Variants in MYO1E observed in about 807,000 individuals in gnomAD.
The protein encoded by MYO1E is myosin IE.
MYO1E carries 68 observed loss-of-function variants against 151.1 expected under a neutral mutation model. The observed-to-expected ratio is 0.45, with a 90% CI of 0.37 to 0.55. The LOEUF is 0.55. Ranked by LOEUF, MYO1E falls within the 20% of genes least tolerant of loss-of-function variation. The pLI, the probability that MYO1E is intolerant of heterozygous loss-of-function variation, is 0.00. For missense variants in MYO1E, 1,363 were observed against 1,389.3 expected, an observed-to-expected ratio of 0.98 and a Z score of 0.30; for synonymous variants, 601 against 501.7, an observed-to-expected ratio of 1.20 and a Z score of -2.64.
rs761433670 is a variant in MYO1E, at chr15:59,236,536, T to C, written c.420+49A>G. 12 of 1,498,146 alleles carry C rather than the reference T, an allele frequency of 8.0e-6. No homozygotes were observed. In the South Asian group the frequency reaches 9.0e-5, roughly 11 times the overall value. 92.8% of individuals were successfully genotyped at this position (1,498,146 alleles called of 1,614,324 possible). A position where few individuals can be genotyped will look rare whatever the true frequency, so the allele number is the denominator to read the frequency against. Reference sequence around the variant, plus strand: ...CTTTTCTAACAGCAAATGGAGCCTCTTACATTTCCCATAACATAAGGTATC... The same window carrying C: ...CTTTTCTAACAGCAAATGGAGCCTCCTACATTTCCCATAACATAAGGTATC... On this transcript the variant is annotated intron_variant, in intron 5 of 27. Transcript: ENST00000288235.
At chr15:59,291,682 T>TAA (rs1182076268) in intron 1 of MYO1E, among the ~76,000 whole-genome samples, 105 of 7,782 alleles carry the variant, frequency 0.013, 1 homozygote, top group East Asian at 0.027. Context: ...CTAAAAATAC[T>TAA]AAAAAAAAAA....
At chr15:59,149,038 GTTTTTTTTTTTTTGTTTT>G (rs1443662585) in intron 26 of MYO1E, among the ~76,000 whole-genome samples, 3 of 89,558 alleles carry the variant, frequency 3.3e-5, no homozygotes, top group African/African-American at 1.4e-4. Flanking sequence ...TGGATGAACT[GTTTTTTTTTTTTTGTTTT>G]TTTTTTTTTT....
intron 1 of MYO1E, among the ~76,000 whole-genome samples, chr15:59,296,750 G>C (rs1172894387): frequency 6.6e-6 from 1 of 151,878 alleles, no homozygotes; most frequent in Non-Finnish European, 1.5e-5. Context: ...TTTGAGTGCA[G>C]GACAATGAAG....
chr15:59,268,718 G>GTTT (rs1452818863), intron 2 of MYO1E, among the ~76,000 whole-genome samples: 4 of 12,044 alleles, frequency 3.3e-4, no homozygotes, highest in African/African-American at 4.1e-4. Context: ...GGTGACTTTG[G>GTTT]TATTTTTTTT....
chr15:59,323,615 C>G (rs541099578), intron 1 of MYO1E, among the ~76,000 whole-genome samples: 13 of 151,828 alleles, frequency 8.6e-5, no homozygotes, highest in Admixed American at 6.6e-4. Flanking sequence ...GAGATCGCAC[C>G]ACTGCACTCC....
Position 59,188,204 on chromosome 15 carries a change from T to C in MYO1E, c.1818A>G (p.Gln606=), listed in dbSNP as rs2079710689. The change falls in exon 18 of 28, where the codon CAA becomes CAG. Residue 606 remains glutamine, a synonymous_variant. Coordinates refer to ENST00000288235, the MANE Select transcript of MYO1E (RefSeq NM_004998.4). ...RDWEESRVKH[Q]VEYLGLKENI... ...TCTCTTTCAGACCCAAATATTCGACTTGATGCTTTACCCTGTGCAAAGGAG... is the reference window on the plus strand; with the variant it reads ...TCTCTTTCAGACCCAAATATTCGACCTGATGCTTTACCCTGTGCAAAGGAG... The C allele has an allele frequency of 1.9e-6, 3 of 1,614,004 alleles. No individual in the cohort carries two copies. The highest frequency in any genetic ancestry group is 2.5e-6 in the Non-Finnish European group (3 of 1,179,932).
chr15:59,316,686 T>G (rs979047894), intron 1 of MYO1E, among the ~76,000 whole-genome samples: 1 of 152,250 alleles, frequency 6.6e-6, no homozygotes, highest in African/African-American at 2.4e-5. Flanking sequence ...TATCTTGTCA[T>G]GTACGGATTA....
At chr15:59,258,831 T>C (rs751239619) in intron 3 of MYO1E, among the ~76,000 whole-genome samples, 3 of 151,152 alleles carry the variant, frequency 2.0e-5, no homozygotes, top group Non-Finnish European at 4.4e-5. Flanking sequence ...CGCTTCAGCA[T>C]GGGTGACAGA....
intron 1 of MYO1E, among the ~76,000 whole-genome samples, chr15:59,344,463 C>T (rs1281675548): frequency 6.6e-6 from 1 of 152,222 alleles, no homozygotes; most frequent in Non-Finnish European, 1.5e-5. Context: ...GCAGGTCTGA[C>T]CTGAAGCCAG....
chr15:59,328,876 G>C (rs1193850103), intron 1 of MYO1E, among the ~76,000 whole-genome samples: 3 of 152,164 alleles, frequency 2.0e-5, no homozygotes, highest in Admixed American at 6.5e-5. Context: ...TACCCTCTTA[G>C]ACTCTGTGGG....
intron 16 of MYO1E, among the ~76,000 whole-genome samples, chr15:59,196,191 C>T (rs891163795): frequency 6.6e-6 from 1 of 152,158 alleles, no homozygotes; most frequent in Non-Finnish European, 1.5e-5. Flanking sequence ...AGTCTGAACA[C>T]TTTATCTGTG....
intron 1 of MYO1E, among the ~76,000 whole-genome samples, chr15:59,291,451 A>G (rs184852985): frequency 4.6e-5 from 7 of 152,284 alleles, no homozygotes; most frequent in Non-Finnish European, 8.8e-5. Context: ...TTTAAGATAC[A>G]GAAGTAGCTG....
At chr15:59,359,739 C>CT (rs2140439987) in intron 1 of MYO1E, 1 of 152,394 alleles carries the variant, frequency 6.6e-6, no homozygotes, top group South Asian at 2.1e-4. Flanking sequence ...CAATGCTGTC[C>CT]TGCACACTGA....
chr15:59,140,958 T>C (rs1156307542), intron 26 of MYO1E, among the ~76,000 whole-genome samples: 1 of 152,240 alleles, frequency 6.6e-6, no homozygotes, highest in East Asian at 1.9e-4. Context: ...TCATTCGTTT[T>C]CTACCTAGTG....
chr15:59,191,370 A>AGAGAGAGAGAG lies in MYO1E; in HGVS notation c.1806-3155_1806-3154insCTCTCTCTCTC, dbSNP rs1491073271. Among the ~76,000 whole-genome samples the AGAGAGAGAGAG allele has an allele frequency of 7.2e-4, 89 of 123,346 alleles. 1 individual carries two copies. Among genetic ancestry groups the AGAGAGAGAGAG allele is most frequent in the African/African-American group, 2.9e-3 (71 of 24,216 alleles). 80.9% of individuals were successfully genotyped at this position (123,346 alleles called of 152,430 possible). The stretch of plus-strand genomic sequence containing the variant: ...AGAGAGAGAGAGAGAGAGAGAGAGA[A>AGAGAGAGAGAG]AGAAATGTCATGTCAATTAAAAAGG... On this transcript the variant is annotated intron_variant, in intron 17 of 27. Transcript: ENST00000288235.
At chr15:59,153,529 C>G in intron 26 of MYO1E, 61 bp downstream of exon 26, 1 of 1,563,050 alleles carries the variant, frequency 6.4e-7, no homozygotes, top group Admixed American at 1.7e-5. Context: ...TCTCTGAACC[C>G]TTGTTTTGAA....
intron 1 of MYO1E, among the ~76,000 whole-genome samples, chr15:59,280,325 T>C (rs2080345794): frequency 6.6e-6 from 1 of 152,170 alleles, no homozygotes; most frequent in Non-Finnish European, 1.5e-5. Context: ...CATTTTGAAA[T>C]TAGGATGTCT....
intron 1 of MYO1E, among the ~76,000 whole-genome samples, chr15:59,362,584 C>A (rs78162767): frequency 0.012 from 1,840 of 152,342 alleles, 34 homozygotes; most frequent in African/African-American, 0.038. Context: ...ACAGCATTCC[C>A]AAGCCTTGAA....
chr15:59,250,528 T>C (rs7173452), intron 4 of MYO1E, among the ~76,000 whole-genome samples: 148,913 of 152,192 alleles, frequency 0.98, 72,935 homozygotes, highest in East Asian at 1. Context: ...TTGTTTGGCT[T>C]TAATTTGTAT....
Sources: allele counts gnomAD v4.1 joint callset (sites outside exome capture counted in the v4.1 genomes callset), GRCh38; gene constraint gnomAD v4.1.1; transcripts MANE v1.5; gene names NCBI Gene and HGNC (gene_info 2026-07-23, HGNC 2026-07-21).